FANK1: variants seen among roughly 807,000 people sequenced by gnomAD.
The protein encoded by FANK1 is fibronectin type 3 and ankyrin repeat domains protein 1.
A neutral mutation model predicts 45.3 loss-of-function variants in FANK1; 44 were observed. The observed-to-expected ratio is 0.97, with a 90% CI of 0.76 to 1.25. The LOEUF (loss-of-function observed/expected upper bound fraction) is 1.25, where lower values mean the gene tolerates loss of function less well. Ranked by LOEUF, FANK1 falls within the 50% of genes most tolerant of loss-of-function variation. The probability of loss-of-function intolerance (pLI) is 0.00; values close to 1 mark genes in which losing one functional copy is unlikely to be tolerated. For synonymous variants in FANK1, 149 were observed against 152.5 expected (o/e 0.98, Z 0.17); for missense variants, 391 against 424.4 (o/e 0.92, Z 0.69).
Position 125,897,998 on chromosome 10 carries a change from C to CAAAAAAAA in FANK1, c.13+1372_13+1379dup, listed in dbSNP as rs373550249. ...AGTGAAACCCATCTCTACTAAAATA[C>CAAAAAAAA]AAAAAAAAAAAAAAAAAAAAAAAAA... On this transcript the variant is annotated intron_variant, in intron 1 of 10. Transcript: ENST00000368693. Among the ~76,000 whole-genome samples the CAAAAAAAA allele has an allele frequency of 6.5e-4, 11 of 16,798 alleles. 1 individual carries two copies. The highest frequency in any genetic ancestry group is 2.2e-3 in the East Asian group (1 of 446). The allele number at this position is 16,798 out of a possible 152,430, so 11.0% of individuals were successfully genotyped here. A position where few individuals can be genotyped will look rare whatever the true frequency, so the allele number is the denominator to read the frequency against.
chr10:126,008,575 C>T (rs762342814), intron 8 of FANK1, 25 bp downstream of exon 8: 1 of 1,589,206 alleles, frequency 6.3e-7, no homozygotes. Flanking sequence ...CGAAAATAGG[C>T]AGTTTTCTAC....
intron 3 of FANK1, among the ~76,000 whole-genome samples, chr10:125,991,923 G>T (rs943348888): frequency 6.6e-6 from 1 of 152,164 alleles, no homozygotes; most frequent in South Asian, 2.1e-4. Flanking sequence ...GCCCTGCTCT[G>T]CCCTTCTCCT....
At chr10:125,991,768 G>T (rs1255579991) in intron 3 of FANK1, among the ~76,000 whole-genome samples, 2 of 152,160 alleles carry the variant, frequency 1.3e-5, no homozygotes, top group Non-Finnish European at 2.9e-5. Context: ...TCTCCAATGA[G>T]CTCGTGATTT....
intron 1 of FANK1, among the ~76,000 whole-genome samples, chr10:125,917,524 A>G (rs1183152616): frequency 6.6e-6 from 1 of 152,160 alleles, no homozygotes; most frequent in Non-Finnish European, 1.5e-5. Context: ...CTAATATATA[A>G]AGACATAGGT....
chr10:125,908,764 T>A (rs1186891614), intron 1 of FANK1, among the ~76,000 whole-genome samples: 2 of 151,760 alleles, frequency 1.3e-5, no homozygotes, highest in Non-Finnish European at 2.9e-5. Flanking sequence ...AAAATAAATT[T>A]AAAAAAAGTA....
intron 1 of FANK1, among the ~76,000 whole-genome samples, chr10:125,953,847 A>G (rs778654634): frequency 2.0e-5 from 3 of 152,140 alleles, no homozygotes; most frequent in African/African-American, 4.8e-5. Context: ...AACATGGGCC[A>G]TGATTCTCTG....
chr10:125,998,165 G>A (rs907504712), intron 6 of FANK1, among the ~76,000 whole-genome samples: 2 of 152,208 alleles, frequency 1.3e-5, no homozygotes, highest in Non-Finnish European at 2.9e-5. Flanking sequence ...GTGAAACACT[G>A]AGCAAAATGC....
At chr10:125,937,566 T>G (rs1948184227) in intron 1 of FANK1, among the ~76,000 whole-genome samples, 1 of 152,190 alleles carries the variant, frequency 6.6e-6, no homozygotes, top group African/African-American at 2.4e-5. Context: ...AGGAGTCTGA[T>G]GGAATAAACT....
At chr10:125,919,433 C>G (rs1164523068) in intron 1 of FANK1, among the ~76,000 whole-genome samples, 1 of 151,876 alleles carries the variant, frequency 6.6e-6, no homozygotes, top group African/African-American at 2.4e-5. Context: ...CTTGAACTCT[C>G]GACCTCAGGT....
Position 125,971,189 on chromosome 10 carries a change from C to CT in FANK1, c.14-8969dup, listed in dbSNP as rs574057250. ...AATTGTTTCACCCACATTCTATAGC[C>CT]TTTCCCTCCTGTTGATGCAACTCTT... On this transcript the variant is annotated intron_variant, in intron 1 of 10. Transcript: ENST00000368693. Among the ~76,000 whole-genome samples, 44 of 152,222 alleles carry CT rather than the reference C, an allele frequency of 2.9e-4. No individual in the cohort carries two copies. The South Asian group carries it at 8.7e-3, about 30-fold the overall frequency.
chr10:126,001,978 C>G (rs1470592564), intron 6 of FANK1, among the ~76,000 whole-genome samples: 2 of 151,836 alleles, frequency 1.3e-5, no homozygotes, highest in Admixed American at 6.6e-5. Context: ...TTCTAGGTAC[C>G]ATGCCTTACT....
chr10:125,951,667 C>T (rs915747445), intron 1 of FANK1, among the ~76,000 whole-genome samples: 2 of 152,198 alleles, frequency 1.3e-5, no homozygotes, highest in African/African-American at 4.8e-5. Context: ...ACCATTTCAA[C>T]CATCAGAGTT....
At chr10:125,943,048 G>A (rs778882165) in intron 1 of FANK1, among the ~76,000 whole-genome samples, 1 of 152,014 alleles carries the variant, frequency 6.6e-6, no homozygotes, top group South Asian at 2.1e-4. Context: ...TTCTGACCTC[G>A]TGATCTGCCC....
intron 2 of FANK1, among the ~76,000 whole-genome samples, chr10:125,985,997 C>T (rs1279433366): frequency 2.6e-5 from 4 of 152,132 alleles, no homozygotes; most frequent in Non-Finnish European, 5.9e-5. Flanking sequence ...TCTTAAGGCC[C>T]AGACCCAGAG....
intron 1 of FANK1, among the ~76,000 whole-genome samples, chr10:125,977,380 T>G (rs1950918563): frequency 6.6e-6 from 1 of 152,194 alleles, no homozygotes; most frequent in African/African-American, 2.4e-5. Context: ...GTATTGAAGC[T>G]TTGGGGTGTG....
intron 1 of FANK1, among the ~76,000 whole-genome samples, chr10:125,900,388 A>G (rs1242591304): frequency 6.6e-6 from 1 of 151,428 alleles, no homozygotes; most frequent in Admixed American, 6.6e-5. Context: ...AAATAGTTCA[A>G]TAGTACTATC....
At chr10:125,957,744 C>T (rs1949671699) in intron 1 of FANK1, among the ~76,000 whole-genome samples, 1 of 152,100 alleles carries the variant, frequency 6.6e-6, no homozygotes, top group African/African-American at 2.4e-5. Context: ...ATGCTGGTCG[C>T]AAACTCCTGG....
chr10:125,990,373 GC>G (rs1202900244), intron 3 of FANK1, among the ~76,000 whole-genome samples: 5 of 152,196 alleles, frequency 3.3e-5, no homozygotes, highest in African/African-American at 1.2e-4. Context: ...TCCAGCCTGG[GC>G]AACAGAGCAG....
chr10:125,962,845 T>A (rs1950004692), intron 1 of FANK1, among the ~76,000 whole-genome samples: 2 of 152,096 alleles, frequency 1.3e-5, no homozygotes, highest in African/African-American at 4.8e-5. Context: ...ATAAAAATTT[T>A]AGATTTATAA....
Sources: gnomAD v4.1 joint callset for allele counts (sites outside exome capture counted in the v4.1 genomes callset) on GRCh38, gnomAD v4.1.1 for gene constraint, MANE v1.5 for transcripts, NCBI Gene and HGNC (gene_info 2026-07-23, HGNC 2026-07-21) for gene names.